Variants in PCDH7 observed in about 807,000 individuals in gnomAD.
PCDH7 encodes the protein protocadherin 7, also known as protocadherin-7.
A neutral mutation model predicts 58.9 loss-of-function variants in PCDH7; 17 were observed. The ratio of observed to expected loss-of-function variants is 0.29; its 90% confidence interval spans 0.20 to 0.43. The LOEUF (loss-of-function observed/expected upper bound fraction) is 0.43. PCDH7 is among the 20% of genes least tolerant of loss of function. The pLI, the probability that PCDH7 is intolerant of heterozygous loss-of-function variation, is 1.00. For missense variants in PCDH7, 1,274 were observed against 1,441.0 expected, an observed-to-expected ratio of 0.88 and a Z score of 1.88; for synonymous variants, 664 against 616.4, an observed-to-expected ratio of 1.08 and a Z score of -1.14.
chr4:31,001,594 T>C (rs766683760), intron 3 of PCDH7, among the ~76,000 whole-genome samples: 1 of 152,160 alleles, frequency 6.6e-6, no homozygotes, highest in Non-Finnish European at 1.5e-5. Flanking sequence ...CATTAACTTG[T>C]ATTCACTAAA....
intron 3 of PCDH7, among the ~76,000 whole-genome samples, chr4:30,954,345 T>C (rs964316799): frequency 1.3e-5 from 2 of 152,158 alleles, no homozygotes; most frequent in African/African-American, 4.8e-5. Context: ...TTAATGAAAG[T>C]CTTCCATATG....
intron 2 of PCDH7, among the ~76,000 whole-genome samples, chr4:30,931,360 G>A: frequency 6.6e-6 from 1 of 152,130 alleles, no homozygotes; most frequent in East Asian, 1.9e-4. Context: ...TGGATCACCT[G>A]AGGTCAGGAG....
intron 1 of PCDH7, among the ~76,000 whole-genome samples, chr4:30,825,418 G>T (rs893653007): frequency 6.6e-6 from 1 of 151,970 alleles, no homozygotes; most frequent in African/African-American, 2.4e-5. Context: ...TCCTCCCTTA[G>T]TGTATTGCCC....
chr4:31,103,468 G>A lies in PCDH7; in HGVS notation c.*8-39005G>A, dbSNP rs181835503. On this transcript the variant is annotated intron_variant, in intron 3 of 3. Coordinates refer to the PCDH7 transcript ENST00000509759. The stretch of plus-strand genomic sequence containing the variant: ...TCGTGCCTCAGCCTCCCAAGTAGCT[G>A]GGATTACAGGTGCATGCCACCAAGG... 1.2e-4 allele frequency among the ~76,000 whole-genome samples: 19 copies of A among 152,132 alleles called. No individual in the cohort carries two copies. In the East Asian group the frequency reaches 3.3e-3, roughly 26 times the overall value.
intron 3 of PCDH7, among the ~76,000 whole-genome samples, chr4:30,951,613 A>C (rs552734072): frequency 6.6e-6 from 1 of 152,210 alleles, no homozygotes; most frequent in South Asian, 2.1e-4. Flanking sequence ...TACAAAAAAT[A>C]ATAACAGCAA....
intron 1 of PCDH7, among the ~76,000 whole-genome samples, chr4:30,852,085 C>A (rs970424515): frequency 1.3e-5 from 2 of 152,010 alleles, no homozygotes; most frequent in African/African-American, 4.8e-5. Context: ...CTCAACAAAG[C>A]ACCTAAAAAC....
At chr4:31,145,489 T>C (rs899993018), downstream of PCDH7, 6 of 151,934 alleles carry the variant, frequency 3.9e-5, no homozygotes, top group African/African-American at 1.4e-4. Context: ...AAAAAATAAA[T>C]GAGTGAATGC....
At chr4:31,018,960 C>G (rs963950309) in intron 3 of PCDH7, among the ~76,000 whole-genome samples, 1 of 152,120 alleles carries the variant, frequency 6.6e-6, no homozygotes, top group Non-Finnish European at 1.5e-5. Flanking sequence ...GTCATTAAAG[C>G]TTAAGATAAA....
intron 3 of PCDH7, among the ~76,000 whole-genome samples, chr4:30,969,041 G>C (rs1391613860): frequency 6.6e-6 from 1 of 152,122 alleles, no homozygotes; most frequent in African/African-American, 2.4e-5. Context: ...CTCTCGGTCA[G>C]AGAATATTTA....
Position 31,099,365 on chromosome 4 carries a change from G to A in PCDH7, c.*8-43108G>A, listed in dbSNP as rs1314209851. Reference sequence around the variant, plus strand: ...GGATCTGCCTAAAGGTGTTTGCTCTGGCTATAGGCAGATCATATATTCAGG... The same window carrying A: ...GGATCTGCCTAAAGGTGTTTGCTCTAGCTATAGGCAGATCATATATTCAGG... On this transcript the variant is annotated intron_variant, in intron 3 of 3. Transcript: ENST00000509759. Among the ~76,000 whole-genome samples, 5 of 152,120 alleles carry A rather than the reference G, an allele frequency of 3.3e-5. No homozygotes were observed. The East Asian group carries it at 9.6e-4, about 29-fold the overall frequency.
At chr4:30,780,232 G>A (rs1204620578) in intron 1 of PCDH7, among the ~76,000 whole-genome samples, 6 of 152,026 alleles carry the variant, frequency 3.9e-5, no homozygotes, top group Admixed American at 2.0e-4. Context: ...CTGGCCAGGC[G>A]GGGTGGCTGA....
At chr4:30,963,516 C>T (rs376315259) in intron 3 of PCDH7, among the ~76,000 whole-genome samples, 1 of 152,116 alleles carries the variant, frequency 6.6e-6, no homozygotes, top group African/African-American at 2.4e-5. Context: ...AGAATACCTC[C>T]TTTGTGCCTG....
intron 3 of PCDH7, among the ~76,000 whole-genome samples, chr4:31,040,701 A>G (rs893369664): frequency 7.2e-5 from 11 of 152,288 alleles, no homozygotes; most frequent in African/African-American, 2.6e-4. Flanking sequence ...TGTTAAACCA[A>G]CTTCAAAATT....
At chr4:30,802,637 C>T (rs748357303) in intron 1 of PCDH7, among the ~76,000 whole-genome samples, 18 of 151,724 alleles carry the variant, frequency 1.2e-4, no homozygotes, top group African/African-American at 4.4e-4. Context: ...AGGAGGGAAG[C>T]GGAAGGGGTT....
chr4:30,961,100 G>A (rs556714244), intron 3 of PCDH7, among the ~76,000 whole-genome samples: 1 of 152,122 alleles, frequency 6.6e-6, no homozygotes, highest in Non-Finnish European at 1.5e-5. Context: ...ATCTTCTCTT[G>A]CCAAATGAAT....
At position 30,722,087 on chromosome 4, in the gene PCDH7, C is replaced by A; in HGVS notation, c.665C>A (p.Ser222Tyr). ...GCGAGCGGCGGCGGCTCGGGAGGCTCCAAGCGGCGGCTGGACGCATCAGAG... is the reference window on the plus strand; with the variant it reads ...GCGAGCGGCGGCGGCTCGGGAGGCTACAAGCGGCGGCTGGACGCATCAGAG... The change falls in exon 1 of 2, where the codon TCC becomes TAC. Residue 222 changes from serine to tyrosine, a missense_variant. Physicochemically the swap from Ser to Tyr is moderately radical, Grantham distance 144. This residue lies in a region of PCDH7 where 331 missense variants were observed against 303.2 expected (regional missense o/e 1.09). Transcript: ENST00000361762. The surrounding 1 kb of genome is among the most constrained non-coding windows in gnomAD (Gnocchi z 7.6). The A allele has an allele frequency of 7.6e-7, 1 of 1,321,804 alleles. No homozygotes were observed. The highest frequency in any genetic ancestry group is 9.6e-7 in the Non-Finnish European group (1 of 1,040,740). 81.9% of individuals were successfully genotyped at this position (1,321,804 alleles called of 1,614,324 possible). A position where few individuals can be genotyped will look rare whatever the true frequency, so the allele number is the denominator to read the frequency against.
chr4:30,761,195 T>C (rs541474750), intron 1 of PCDH7, among the ~76,000 whole-genome samples: 23 of 152,260 alleles, frequency 1.5e-4, no homozygotes, highest in Non-Finnish European at 3.2e-4. Flanking sequence ...CTTAGGGAAA[T>C]AGTTTTTAAA....
At chr4:30,778,149 G>A (rs1442548640) in intron 1 of PCDH7, among the ~76,000 whole-genome samples, 2 of 151,740 alleles carry the variant, frequency 1.3e-5, no homozygotes, top group African/African-American at 2.4e-5. Context: ...TATATACTAA[G>A]TATCATTAAA....
In PCDH7 at chr4:30,835,163, AG is replaced by A. The variant is rs891603940; in HGVS notation, c.71-84989del. On this transcript the variant is annotated intron_variant, in intron 1 of 3. Coordinates refer to the PCDH7 transcript ENST00000509759. ...AAAATTCGTAATAATTGTATTAGTAAGAATAATAAAGTCATTCCCGGGAGCG... is the reference window on the plus strand; with the variant it reads ...AAAATTCGTAATAATTGTATTAGTAAAATAATAAAGTCATTCCCGGGAGCG... 1.4e-4 allele frequency among the ~76,000 whole-genome samples: 21 copies of A among 152,228 alleles called. 1 individual carries two copies. Among genetic ancestry groups the A allele is most frequent in the African/African-American group, 5.1e-4 (21 of 41,548 alleles).
Sources: allele counts gnomAD v4.1 joint callset (sites outside exome capture counted in the v4.1 genomes callset), GRCh38; gene constraint gnomAD v4.1.1; regional missense constraint gnomAD v4.1.1; non-coding constraint Gnocchi (gnomAD v3.1); transcripts MANE v1.5; gene names NCBI Gene and HGNC (gene_info 2026-07-23, HGNC 2026-07-21).